Variants in TPP2 observed in about 807,000 individuals in gnomAD.
The protein encoded by TPP2 is tripeptidyl-peptidase 2.
TPP2 carries 34 observed loss-of-function variants against 155.9 expected under a neutral mutation model. The ratio of observed to expected loss-of-function variants is 0.22; its 90% confidence interval spans 0.17 to 0.29. The LOEUF is 0.29. Among genes scored for constraint, TPP2 ranks in the 10% least tolerant of loss-of-function variants. The pLI is 1.00. For synonymous variants in TPP2, 510 were observed against 529.4 expected, an observed-to-expected ratio of 0.96 and a Z score of 0.50; for missense variants, 1,028 against 1,522.3, an observed-to-expected ratio of 0.68 and a Z score of 5.40.
intron 17 of TPP2, 120 bp downstream of exon 17, chr13:102,643,496 T>G (rs1882902922): frequency 2.5e-5 from 26 of 1,020,274 alleles, no homozygotes; most frequent in Non-Finnish European, 3.4e-5. Context: ...ATTATATATT[T>G]TTTTAATGCC....
Position 102,637,583 on chromosome 13 carries a change from C to T in TPP2, c.1836+344C>T, listed in dbSNP as rs149818724. Among the ~76,000 whole-genome samples, 752 of 143,020 alleles carry T rather than the reference C, an allele frequency of 5.3e-3. 7 individuals carry two copies. Among genetic ancestry groups the T allele is most frequent in the African/African-American group, 0.019 (715 of 38,036 alleles). The allele number at this position is 143,020 out of a possible 152,430, so 93.8% of individuals were successfully genotyped here. A position where few individuals can be genotyped will look rare whatever the true frequency, so the allele number is the denominator to read the frequency against. On this transcript the variant is annotated intron_variant, in intron 14 of 29. Coordinates refer to ENST00000376052, the MANE Select transcript of TPP2 (RefSeq NM_001330588.2). ...TGTTGTTTTAAGAGACAGAGTCTTG[C>T]TCTGTTGCCCAGGCTGGAGTACAGT...
At chr13:102,655,138 G>A (rs1007075080) in intron 24 of TPP2, 1 of 451,112 alleles carries the variant, frequency 2.2e-6, no homozygotes, top group African/African-American at 2.0e-5. Context: ...TCAGTGTGGA[G>A]ATAGGATTAT....
chr13:102,644,986 G>A lies in TPP2; in HGVS notation c.2370G>A (p.Leu790=). The A allele has an allele frequency of 6.2e-7, 1 of 1,613,926 alleles. No homozygotes were observed. Among genetic ancestry groups the A allele is most frequent in the Non-Finnish European group, 8.5e-7 (1 of 1,179,944 alleles). ...AAGATCTGGCTCCCTGCATAACTTT[G>A]AAGAACTGGGTCCAAACACTGCGGT... ...KYEDLAPCIT[L]KNWVQTLRPV... The change falls in exon 19 of 30, where the codon TTG becomes TTA. Residue 790 remains leucine, a synonymous_variant. Transcript: ENST00000376052.
At chr13:102,602,924 G>A (rs903423155) in intron 1 of TPP2, among the ~76,000 whole-genome samples, 4 of 148,982 alleles carry the variant, frequency 2.7e-5, no homozygotes, top group Admixed American at 6.6e-5. Flanking sequence ...TTTGTTTTTC[G>A]TTTTTTGTTT....
intron 28 of TPP2, among the ~76,000 whole-genome samples, chr13:102,674,855 G>A (rs1885199636): frequency 6.6e-6 from 1 of 152,170 alleles, no homozygotes; most frequent in African/African-American, 2.4e-5. Context: ...GAGATTGGGG[G>A]CAGGTTGAGG....
At chr13:102,652,040 GC>G in intron 24 of TPP2, among the ~76,000 whole-genome samples, 1 of 152,204 alleles carries the variant, frequency 6.6e-6, no homozygotes, top group East Asian at 1.9e-4. Flanking sequence ...TTGATTTACT[GC>G]TGGGGCCAGA....
chr13:102,643,661 T>A (rs1305339959), intron 17 of TPP2, among the ~76,000 whole-genome samples: 1 of 152,230 alleles, frequency 6.6e-6, no homozygotes, highest in Non-Finnish European at 1.5e-5. Flanking sequence ...TTTAGATTAT[T>A]CTTTGTTGTA....
At position 102,640,641 on chromosome 13, in the gene TPP2, A is replaced by ATTT. The variant is rs5806315; in HGVS notation, c.2020+291_2020+293dup. On this transcript the variant is annotated intron_variant, in intron 16 of 29. Coordinates refer to ENST00000376052, the MANE Select transcript of TPP2 (RefSeq NM_001330588.2). ...TAGAATAATGCCTTACCTGGTAATA[A>ATTT]TTTTTTTTTTTTTTTTTTTTTTTTT... Among the ~76,000 whole-genome samples the ATTT allele has an allele frequency of 1.5e-3, 125 of 84,226 alleles. 8 individuals are homozygous for ATTT. The highest frequency in any genetic ancestry group is 2.4e-3 in the African/African-American group (43 of 17,934). 55.3% of individuals were successfully genotyped at this position (84,226 alleles called of 152,430 possible).
intron 27 of TPP2, among the ~76,000 whole-genome samples, chr13:102,665,199 A>G (rs1039987588): frequency 1.3e-5 from 2 of 152,342 alleles, no homozygotes; most frequent in Admixed American, 6.5e-5. Flanking sequence ...AAGCAGTCCA[A>G]CCACTTGAGG....
intron 24 of TPP2, among the ~76,000 whole-genome samples, chr13:102,656,545 C>G (rs767636480): frequency 6.6e-6 from 1 of 152,098 alleles, no homozygotes; most frequent in Admixed American, 6.6e-5. Context: ...TTCTTCCTAT[C>G]AGATGTCAGC....
At chr13:102,663,060 A>T (rs1884336100) in intron 25 of TPP2, among the ~76,000 whole-genome samples, 1 of 151,942 alleles carries the variant, frequency 6.6e-6, no homozygotes, top group Admixed American at 6.6e-5. Context: ...AAAGCTATTG[A>T]TGCATATTTT....
In TPP2 at chr13:102,674,486, A is replaced by G. The variant is rs369137250; in HGVS notation, c.3575A>G (p.Asn1192Ser). Residue 1192 changes from asparagine to serine, a missense_variant, in exon 28 of 30, where the codon AAT (asparagine) becomes AGT (serine). By Grantham distance (46) the Asn-to-Ser change is conservative. Coordinates refer to ENST00000376052, the MANE Select transcript of TPP2 (RefSeq NM_001330588.2). ...ETTKWTDLFD[N>S]KVLTFAYKHA... ...ACTAAATGGACTGATCTCTTTGACA[A>G]TAAGGTAACGTTTCTGCTTCTTGTT... 9.2e-5 allele frequency: 149 copies of G among 1,613,654 alleles called. No homozygotes were observed. Among genetic ancestry groups the G allele is most frequent in the Non-Finnish European group, 1.1e-4 (134 of 1,179,664 alleles).
chr13:102,613,681 G>A (rs1880486274), intron 2 of TPP2, among the ~76,000 whole-genome samples: 1 of 152,096 alleles, frequency 6.6e-6, no homozygotes, highest in Non-Finnish European at 1.5e-5. Flanking sequence ...CTTTCCTCTT[G>A]TTCAGGCAAG....
intron 21 of TPP2, 87 bp from the exon 22 acceptor site, chr13:102,648,820 A>G: frequency 6.8e-7 from 1 of 1,479,384 alleles, no homozygotes; most frequent in South Asian, 1.4e-5. Flanking sequence ...AAGTCTGTGA[A>G]TGGTAACTTT....
intron 1 of TPP2, among the ~76,000 whole-genome samples, chr13:102,599,262 T>C (rs986578168): frequency 1.3e-5 from 2 of 152,224 alleles, no homozygotes; most frequent in African/African-American, 4.8e-5. Flanking sequence ...GTAATAAATA[T>C]TCAGATGATA....
At chr13:102,656,710 T>G (rs1301336777) in intron 24 of TPP2, among the ~76,000 whole-genome samples, 4 of 152,230 alleles carry the variant, frequency 2.6e-5, no homozygotes, top group Non-Finnish European at 5.9e-5. Context: ...TTTGAACTTA[T>G]TTCATCCCCT....
intron 29 of TPP2, among the ~76,000 whole-genome samples, chr13:102,677,790 G>T (rs1885382893): frequency 1.3e-5 from 2 of 152,122 alleles, no homozygotes; most frequent in South Asian, 4.1e-4. Flanking sequence ...CTTATTACTT[G>T]TTTATTCATT....
chr13:102,618,702 T>C lies in TPP2; in HGVS notation c.496-20T>C. 1 of 1,612,216 alleles carries C rather than the reference T, an allele frequency of 6.2e-7. No homozygotes were observed. Among genetic ancestry groups the C allele is most frequent in the Non-Finnish European group, 8.5e-7 (1 of 1,179,178 alleles). ...GAAGGACAGAATGTACTAATGTTAATCAGTTTTCCAACTGACTAGGCAAAT... is the reference window on the plus strand; with the variant it reads ...GAAGGACAGAATGTACTAATGTTAACCAGTTTTCCAACTGACTAGGCAAAT... On this transcript the variant is annotated intron_variant, in intron 4 of 29. Coordinates refer to ENST00000376052, the MANE Select transcript of TPP2 (RefSeq NM_001330588.2).
intron 4 of TPP2, among the ~76,000 whole-genome samples, chr13:102,618,192 A>G (rs759669832): frequency 2.0e-5 from 3 of 152,228 alleles, no homozygotes; most frequent in East Asian, 1.9e-4. Context: ...CCACAGAGCT[A>G]AAATAAGGCT....
Sources: gnomAD v4.1 joint callset for allele counts (sites outside exome capture counted in the v4.1 genomes callset) on GRCh38, gnomAD v4.1.1 for gene constraint, MANE v1.5 for transcripts, NCBI Gene and HGNC (gene_info 2026-07-23, HGNC 2026-07-21) for gene names.